Variants in MYO1D observed in about 807,000 individuals in gnomAD.
MYO1D encodes myosin ID.
Under a neutral mutation model 122.0 loss-of-function variants are expected in MYO1D, and 83 were observed. The observed-to-expected ratio is 0.68, with a 90% CI of 0.57 to 0.82. The LOEUF (loss-of-function observed/expected upper bound fraction) is 0.82. Among genes scored for constraint, MYO1D ranks in the 40% least tolerant of loss-of-function variants. The probability of loss-of-function intolerance (pLI) is 0.00; values close to 1 mark genes in which losing one functional copy is unlikely to be tolerated. For missense variants in MYO1D, 1,157 were observed against 1,269.5 expected (o/e 0.91, Z 1.35); for synonymous variants, 464 against 446.9 (o/e 1.04, Z -0.48).
chr17:32,856,937 C>A (rs1044091955), intron 1 of MYO1D, among the ~76,000 whole-genome samples: 2 of 152,184 alleles, frequency 1.3e-5, no homozygotes, highest in Non-Finnish European at 2.9e-5. Context: ...CCCCTCCCCC[C>A]AAGTCTGTAT....
At chr17:32,636,287 C>T (rs2088098366) in intron 20 of MYO1D, among the ~76,000 whole-genome samples, 1 of 152,120 alleles carries the variant, frequency 6.6e-6, no homozygotes, top group Non-Finnish European at 1.5e-5. Context: ...AATCACTTTC[C>T]TTCATCCCCT....
At chr17:32,630,301 C>T (rs2087986906) in intron 20 of MYO1D, among the ~76,000 whole-genome samples, 1 of 152,118 alleles carries the variant, frequency 6.6e-6, no homozygotes, top group South Asian at 2.1e-4. Context: ...TGGGCTCAAG[C>T]AATCTTCCCA....
At chr17:32,822,102 T>C (rs990453716) in intron 1 of MYO1D, among the ~76,000 whole-genome samples, 1 of 150,302 alleles carries the variant, frequency 6.7e-6, no homozygotes, top group Non-Finnish European at 1.5e-5. Flanking sequence ...CTATTCACAA[T>C]AGCAAAGACT....
intron 21 of MYO1D, among the ~76,000 whole-genome samples, chr17:32,557,706 CAA>C (rs1445271563): frequency 6.6e-6 from 1 of 151,904 alleles, no homozygotes; most frequent in Non-Finnish European, 1.5e-5. Flanking sequence ...TTTCGCTCAG[CAA>C]AGTCTTTCTA....
chr17:32,700,059 A>AT (rs1237081372), intron 16 of MYO1D, among the ~76,000 whole-genome samples: 2 of 152,214 alleles, frequency 1.3e-5, no homozygotes, highest in Non-Finnish European at 2.9e-5. Flanking sequence ...ATTTAAAAAA[A>AT]TTTTTTTAAA....
At chr17:32,594,901 GC>G (rs1156725694) in intron 21 of MYO1D, among the ~76,000 whole-genome samples, 2 of 152,146 alleles carry the variant, frequency 1.3e-5, no homozygotes, top group African/African-American at 4.8e-5. Flanking sequence ...TTCCTTGTCA[GC>G]TCACTGACAA....
chr17:32,820,485 A>T (rs996636813), intron 1 of MYO1D, among the ~76,000 whole-genome samples: 2 of 152,266 alleles, frequency 1.3e-5, no homozygotes, highest in African/African-American at 4.8e-5. Context: ...ATGATTAATG[A>T]ACCTGGAGGA....
intron 1 of MYO1D, among the ~76,000 whole-genome samples, chr17:32,821,333 C>T (rs2151057853): frequency 6.6e-6 from 1 of 152,116 alleles, no homozygotes; most frequent in South Asian, 2.1e-4. Flanking sequence ...TCTAATATAA[C>T]TATCACTTTC....
chr17:32,643,186 G>GT (rs2088230138), intron 19 of MYO1D, among the ~76,000 whole-genome samples: 1 of 149,560 alleles, frequency 6.7e-6, no homozygotes, highest in Non-Finnish European at 1.5e-5. Context: ...ATAATCATGT[G>GT]TTTTTTATCT....
chr17:32,780,598 T>C lies in MYO1D; in HGVS notation c.282A>G (p.Lys94=). The stretch of plus-strand genomic sequence containing the variant: ...TACCTGATATCACAATACAAGTGTC[T>C]TTTGATCGCCTCTTCATAGCCTTGT... ...AAYKAMKRRS[K]DTCIVISGES... is the part of the protein sequence containing the mutation. Residue 94 remains lysine, a synonymous_variant, in exon 2 of 22, where the codon AAA becomes AAG. Coordinates refer to ENST00000318217, the MANE Select transcript of MYO1D (RefSeq NM_015194.3). The C allele has an allele frequency of 6.2e-7, 1 of 1,614,144 alleles. No individual in the cohort carries two copies. The highest frequency in any genetic ancestry group is 8.5e-7 in the Non-Finnish European group (1 of 1,180,018).
chr17:32,594,657 T>A, intron 21 of MYO1D: 1 of 503,988 alleles, frequency 2.0e-6, no homozygotes, highest in Non-Finnish European at 3.5e-6. Context: ...ACTGTTAATA[T>A]CTTCCTTTAT....
chr17:32,516,147 A>G (rs544124650), intron 21 of MYO1D, among the ~76,000 whole-genome samples: 1 of 152,384 alleles, frequency 6.6e-6, no homozygotes, highest in Non-Finnish European at 1.5e-5. Flanking sequence ...CCATTGCTAC[A>G]GAACTGAGAA....
chr17:32,613,801 A>G (rs960339385), intron 20 of MYO1D, among the ~76,000 whole-genome samples: 5 of 138,126 alleles, frequency 3.6e-5, no homozygotes, highest in African/African-American at 1.3e-4. Context: ...AAAAAAAAAA[A>G]AAAAAAAAAA....
chr17:32,657,289 C>A (rs1359193392), intron 17 of MYO1D, among the ~76,000 whole-genome samples: 1 of 152,226 alleles, frequency 6.6e-6, no homozygotes, highest in Non-Finnish European at 1.5e-5. Context: ...TCTCTGTATT[C>A]CACAGATCAA....
Position 32,494,790 on chromosome 17 carries a change from G to T in MYO1D, c.2990C>A (p.Ser997Ter). The T allele has an allele frequency of 6.2e-7, 1 of 1,611,630 alleles. No homozygotes were observed. Among genetic ancestry groups the T allele is most frequent in the Non-Finnish European group, 8.5e-7 (1 of 1,179,004 alleles). ...QPQPDFTKNR[S>*]GFILSVPGN ...CCCGGGCACGCTGAGGATGAAGCCC[G>T]AGCGATTCTTGGTGAAGTCGGGCTG... The change falls in exon 22 of 22, where the codon TCG becomes TAG. Residue 997 changes from serine (S) to a stop codon, truncating the protein, a stop_gained. Transcript: ENST00000318217. LOFTEE classifies it high-confidence loss of function.
chr17:32,735,160 G>A (rs975734928), intron 14 of MYO1D, among the ~76,000 whole-genome samples: 25 of 150,790 alleles, frequency 1.7e-4, no homozygotes, highest in Non-Finnish European at 3.1e-4. Context: ...CTATTATGTG[G>A]TCAATTCTTG....
intron 20 of MYO1D, among the ~76,000 whole-genome samples, chr17:32,614,971 G>A (rs987325108): frequency 4.6e-5 from 7 of 152,150 alleles, no homozygotes; most frequent in African/African-American, 1.2e-4. Flanking sequence ...CCCCACCTTC[G>A]AATCTTCCTA....
chr17:32,631,403 T>C (rs1338794273), intron 20 of MYO1D, among the ~76,000 whole-genome samples: 2 of 152,150 alleles, frequency 1.3e-5, no homozygotes, highest in Admixed American at 1.3e-4. Context: ...CACTTTGGGA[T>C]TTGAGGCTGA....
At chr17:32,874,269 T>C (rs531798872) in intron 1 of MYO1D, among the ~76,000 whole-genome samples, 4 of 152,272 alleles carry the variant, frequency 2.6e-5, no homozygotes, top group African/African-American at 9.6e-5. Flanking sequence ...TTTCTCTCCT[T>C]CCTTCCCTTC....
Sources: gnomAD v4.1 joint callset for allele counts (sites outside exome capture counted in the v4.1 genomes callset) on GRCh38, gnomAD v4.1.1 for gene constraint, MANE v1.5 for transcripts, NCBI Gene and HGNC (gene_info 2026-07-23, HGNC 2026-07-21) for gene names.